The following NCALD variants were observed in gnomAD, a reference collection of about 807,000 sequenced individuals.
NCALD encodes neurocalcin-delta.
Under a neutral mutation model 18.6 loss-of-function variants are expected in NCALD, and 10 were observed. That is an observed-to-expected ratio of 0.54 (90% confidence interval 0.33 to 0.91). The LOEUF is 0.91. NCALD is among the 40% of genes least tolerant of loss of function. The pLI is 0.03. For missense variants in NCALD, 184 were observed against 247.6 expected (o/e 0.74, Z 1.72); for synonymous variants, 88 against 87.4 (o/e 1.01, Z -0.04).
intron 2 of NCALD, among the ~76,000 whole-genome samples, chr8:101,932,323 C>T (rs895973455): frequency 6.6e-6 from 1 of 152,178 alleles, no homozygotes; most frequent in Admixed American, 6.5e-5. Context: ...CTCCTAACCC[C>T]CAGATACAAC....
intron 1 of NCALD, among the ~76,000 whole-genome samples, chr8:102,028,838 A>AG (rs1168225700): frequency 1.3e-5 from 2 of 152,166 alleles, no homozygotes; most frequent in Admixed American, 1.3e-4. Context: ...TTGAGAGTAA[A>AG]GGGGGGTACT....
intron 4 of NCALD, among the ~76,000 whole-genome samples, chr8:101,853,270 A>G (rs1466810725): frequency 2.0e-5 from 3 of 152,192 alleles, no homozygotes; most frequent in Non-Finnish European, 4.4e-5. Context: ...AAGATAATAA[A>G]CAAGGAAACA....
intron 4 of NCALD, among the ~76,000 whole-genome samples, chr8:101,844,558 G>A (rs770287414): frequency 2.6e-5 from 4 of 151,776 alleles, no homozygotes; most frequent in Non-Finnish European, 5.9e-5. Context: ...ACAGGGTCTC[G>A]CTGCGTTGCC....
intron 4 of NCALD, among the ~76,000 whole-genome samples, chr8:101,823,206 G>A (rs1487377754): frequency 6.6e-6 from 1 of 152,158 alleles, no homozygotes; most frequent in East Asian, 1.9e-4. Flanking sequence ...AAAATATCGT[G>A]AGCATGTAGA....
chr8:102,112,385 A>T lies in NCALD; in HGVS notation c.-210+11852T>A, dbSNP rs568521044. Among the ~76,000 whole-genome samples the T allele has an allele frequency of 2.0e-5, 3 of 152,264 alleles. No individual in the cohort carries two copies. The South Asian group carries it at 6.2e-4, about 32-fold the overall frequency. ...CCGGATTAATCCAGCTCCAGAAGGG[A>T]TGTGCTTTTTCCAGCAGAGAACAAC... On this transcript the variant is annotated intron_variant, in intron 1 of 6. Transcript: ENST00000311028.
intron 2 of NCALD, among the ~76,000 whole-genome samples, chr8:101,698,799 A>T (rs1426896387): frequency 1.3e-5 from 2 of 152,204 alleles, no homozygotes; most frequent in Non-Finnish European, 2.9e-5. Flanking sequence ...TTAAAGACTT[A>T]ACTGTAAAAC....
In NCALD at chr8:101,689,273, C is replaced by T; in HGVS notation, c.*36G>A. ...TAAAAAGAAGAATCAAAAGGGAACA[C>T]AAGCAGCTCTACAATTCGATTGGTG... is the stretch of plus-strand genomic sequence containing the variant. On this transcript the variant is annotated 3_prime_UTR_variant, in exon 4 of 4. Coordinates refer to ENST00000220931, the MANE Select transcript of NCALD (RefSeq NM_032041.3). The surrounding 1 kb of genome is among the most constrained non-coding windows in gnomAD (Gnocchi z 4.4). The T allele has an allele frequency of 6.3e-7, 1 of 1,585,312 alleles. No individual in the cohort carries two copies. Among genetic ancestry groups the T allele is most frequent in the Non-Finnish European group, 8.6e-7 (1 of 1,158,460 alleles).
chr8:101,742,358 TTC>T (rs10571966), intron 1 of NCALD, among the ~76,000 whole-genome samples: 4,914 of 152,336 alleles, frequency 0.032, 171 homozygotes, highest in African/African-American at 0.084. Context: ...TTTGCTAGTT[TTC>T]TCTTTCCATT....
At chr8:102,045,696 T>C (rs1823213487) in intron 1 of NCALD, among the ~76,000 whole-genome samples, 1 of 152,228 alleles carries the variant, frequency 6.6e-6, no homozygotes, top group Non-Finnish European at 1.5e-5. Context: ...TGTATGCCCA[T>C]ACACGTATAT....
intron 4 of NCALD, among the ~76,000 whole-genome samples, chr8:101,837,673 A>G (rs1297659887): frequency 1.3e-5 from 2 of 152,224 alleles, no homozygotes; most frequent in African/African-American, 4.8e-5. Flanking sequence ...AACCTTAGCC[A>G]GCCCTACAAC....
At chr8:102,023,703 C>G (rs114132246) in intron 1 of NCALD, among the ~76,000 whole-genome samples, 132 of 152,296 alleles carry the variant, frequency 8.7e-4, no homozygotes, top group Middle Eastern at 3.4e-3. Context: ...CTTTCCAGTT[C>G]CGAGACCAAG....
intron 2 of NCALD, among the ~76,000 whole-genome samples, chr8:102,014,092 C>T (rs890057548): frequency 1.3e-5 from 2 of 152,146 alleles, no homozygotes; most frequent in African/African-American, 4.8e-5. Flanking sequence ...ATGGAGAGGG[C>T]AGAATTGCCC....
chr8:102,063,713 C>G (rs1823917980), intron 1 of NCALD, among the ~76,000 whole-genome samples: 1 of 152,108 alleles, frequency 6.6e-6, no homozygotes, highest in Admixed American at 6.5e-5. Context: ...AGAGGGAGGC[C>G]TGAGAAAGCA....
chr8:101,923,166 C>A (rs1818223301), intron 2 of NCALD, among the ~76,000 whole-genome samples: 1 of 152,196 alleles, frequency 6.6e-6, no homozygotes, highest in Non-Finnish European at 1.5e-5. Flanking sequence ...ATGTTGGAGG[C>A]AGACAGCAGC....
intron 1 of NCALD, among the ~76,000 whole-genome samples, chr8:102,074,398 A>G (rs528556240): frequency 6.6e-6 from 1 of 152,286 alleles, no homozygotes; most frequent in East Asian, 1.9e-4. Context: ...TCTAATAGCA[A>G]TCCACCCTCT....
At chr8:101,758,309 C>T (rs1810970985) in intron 1 of NCALD, among the ~76,000 whole-genome samples, 2 of 152,154 alleles carry the variant, frequency 1.3e-5, no homozygotes, top group Admixed American at 1.3e-4. Context: ...CCAGCTCTCC[C>T]CCTCCATAGG....
intron 1 of NCALD, among the ~76,000 whole-genome samples, chr8:101,759,651 G>C (rs1187037770): frequency 6.6e-6 from 1 of 152,120 alleles, no homozygotes; most frequent in Non-Finnish European, 1.5e-5. Flanking sequence ...CCAAGGAACA[G>C]GGAACTGCAT....
intron 3 of NCALD, chr8:101,915,568 G>C (rs1432150443): frequency 6.6e-6 from 1 of 152,156 alleles, no homozygotes; most frequent in Non-Finnish European, 1.5e-5. Context: ...ACTTTATTAT[G>C]CTGTAAGTAA....
At chr8:101,771,248 A>G (rs1811574070) in intron 1 of NCALD, among the ~76,000 whole-genome samples, 1 of 152,154 alleles carries the variant, frequency 6.6e-6, no homozygotes, top group Admixed American at 6.5e-5. Context: ...GGCAGGGACC[A>G]CTCCAGCTAG....
Sources: gnomAD v4.1 joint callset for allele counts (sites outside exome capture counted in the v4.1 genomes callset) on GRCh38, gnomAD v4.1.1 for gene constraint, Gnocchi (gnomAD v3.1) non-coding constraint, MANE v1.5 for transcripts, NCBI Gene and HGNC (gene_info 2026-07-23, HGNC 2026-07-21) for gene names.